MAP7D2: variants seen among roughly 807,000 people sequenced by gnomAD.
The protein encoded by MAP7D2 is MAP7 domain-containing protein 2.
Under a neutral mutation model 63.5 loss-of-function variants are expected in MAP7D2, and 33 were observed. The observed-to-expected ratio is 0.52, with a 90% confidence interval of 0.39 to 0.70. The LOEUF is 0.70. Ranked by LOEUF, MAP7D2 falls within the 30% of genes least tolerant of loss-of-function variation. The probability of loss-of-function intolerance (pLI) is 0.00; values close to 1 mark genes in which losing one functional copy is unlikely to be tolerated. For missense variants in MAP7D2, 626 were observed against 604.0 expected (o/e 1.04, Z -0.38); for synonymous variants, 224 against 223.7 (o/e 1.00, Z -0.01).
chrX:20,115,537 A>G (rs2066871105), intron 1 of MAP7D2, among the ~76,000 whole-genome samples: 1 of 111,793 alleles, frequency 8.9e-6, no homozygotes, highest in Non-Finnish European at 1.9e-5. Flanking sequence ...AAAAGCACAC[A>G]TTTCAAAGGT....
chrX:20,035,942 G>A (rs996510156), intron 8 of MAP7D2, among the ~76,000 whole-genome samples: 13 of 109,685 alleles, frequency 1.2e-4, no homozygotes, highest in Non-Finnish European at 2.5e-4. Flanking sequence ...GTGTGTGTGT[G>A]TGTGTGTGTG....
At chrX:20,051,371 G>A (rs772791149) in intron 5 of MAP7D2, among the ~76,000 whole-genome samples, 2 of 110,854 alleles carry the variant, frequency 1.8e-5, no homozygotes, top group Non-Finnish European at 3.8e-5. Context: ...GCAACGTGGC[G>A]AAACCTCGTC....
intron 8 of MAP7D2, among the ~76,000 whole-genome samples, chrX:20,040,952 A>C (rs1001028519): frequency 6.3e-5 from 7 of 111,763 alleles, no homozygotes; most frequent in Non-Finnish European, 9.4e-5. Flanking sequence ...ACAACAACAA[A>C]AAAAACCAGT....
intron 1 of MAP7D2, among the ~76,000 whole-genome samples, chrX:20,091,239 G>C (rs1414563519): frequency 9.3e-6 from 1 of 107,220 alleles, no homozygotes; most frequent in Non-Finnish European, 1.9e-5. Flanking sequence ...TTTTACTAGA[G>C]ATGGGGTTTC....
At chrX:20,052,444 T>G (rs1414017879) in intron 5 of MAP7D2, 9 of 271,904 alleles carry the variant, frequency 3.3e-5, no homozygotes, top group Non-Finnish European at 6.2e-5. Context: ...CACAGATGAC[T>G]GCAGAACCCC....
chrX:20,116,694 G>GC (rs1322992146), intron 1 of MAP7D2, 56 bp downstream of exon 1: 123 of 1,095,113 alleles, frequency 1.1e-4, no homozygotes, highest in African/African-American at 5.3e-4. Context: ...CGCCGGGCCC[G>GC]CCCCCCCACA....
chrX:20,038,628 G>C (rs1189823874), intron 8 of MAP7D2, among the ~76,000 whole-genome samples: 1 of 111,486 alleles, frequency 9.0e-6, no homozygotes, highest in Non-Finnish European at 1.9e-5. Flanking sequence ...ATCACCCCTA[G>C]TGACCCATTA....
intron 1 of MAP7D2, among the ~76,000 whole-genome samples, chrX:20,104,774 T>C (rs1256617860): frequency 8.9e-6 from 1 of 112,140 alleles, no homozygotes; most frequent in East Asian, 2.8e-4. Flanking sequence ...CTGAAGGCTG[T>C]CACAGTATTT....
intron 6 of MAP7D2, among the ~76,000 whole-genome samples, chrX:20,045,527 G>GAAAAAAAAAAAAAAAAAAAAAA (rs1170223479): frequency 1.1e-4 from 2 of 18,014 alleles, no homozygotes; most frequent in African/African-American, 2.5e-4. Context: ...ACCCCATCTC[G>GAAAAAAAAAAAAAAAAAAAAAA]AAAAAAAAAA....
intron 1 of MAP7D2, among the ~76,000 whole-genome samples, chrX:20,070,962 T>C (rs2065486983): frequency 8.9e-6 from 1 of 112,646 alleles, no homozygotes; most frequent in South Asian, 3.7e-4. Context: ...TGTGTTCAAC[T>C]TTGAAAAATT....
At chrX:20,026,055 C>T (rs1569516109) in intron 8 of MAP7D2, 103 bp from the exon 9 acceptor site, 1 of 939,059 alleles carries the variant, frequency 1.1e-6, no homozygotes, top group Admixed American at 2.8e-5. Context: ...TTTCATCCTT[C>T]CAGAGGAAGG....
rs759129065 is a variant in MAP7D2, at chrX:20,015,982, T to A, written c.1644+112A>T. On this transcript the variant is annotated intron_variant, in intron 11 of 16. Coordinates refer to ENST00000379643, the MANE Select transcript of MAP7D2 (RefSeq NM_001168465.2). ...TATATTTAATAACCAGCCCAGACAG[T>A]TTAAGAAGAAACTTCAAGTAAACAT... 7 of 693,897 alleles carry A rather than the reference T, an allele frequency of 1.0e-5. No homozygotes were observed. In the African/African-American group the frequency reaches 1.3e-4, roughly 13 times the overall value. 57.2% of individuals were successfully genotyped at this position (693,897 alleles called of 1,213,427 possible).
At chrX:20,038,421 T>C (rs765420822) in intron 8 of MAP7D2, among the ~76,000 whole-genome samples, 12 of 112,078 alleles carry the variant, frequency 1.1e-4, no homozygotes, top group South Asian at 3.7e-4. Flanking sequence ...GCTGGATTGA[T>C]AGAACAGTGG....
chrX:20,049,806 T>C (rs1369847889), intron 6 of MAP7D2: 6 of 318,632 alleles, frequency 1.9e-5, no homozygotes, highest in Non-Finnish European at 3.6e-5. Context: ...ACCAGCAGTG[T>C]GTGAGGGAAG....
chrX:20,052,833 A>G lies in MAP7D2; in HGVS notation c.595+45T>C, dbSNP rs764236595. On this transcript the variant is annotated intron_variant, in intron 5 of 16. Coordinates refer to ENST00000379643, the MANE Select transcript of MAP7D2 (RefSeq NM_001168465.2). ...AGACAAACGTTAAGATGCTCACACC[A>G]GAAAAGAAACAAACTAGAGAGACCA... The G allele has an allele frequency of 1.4e-5, 14 of 1,009,590 alleles. No individual in the cohort carries two copies. In the Admixed American group the frequency reaches 2.4e-4, roughly 17 times the overall value. 83.2% of individuals were successfully genotyped at this position (1,009,590 alleles called of 1,213,427 possible).
At chrX:20,112,501 G>T (rs2066772883) in intron 1 of MAP7D2, among the ~76,000 whole-genome samples, 1 of 111,604 alleles carries the variant, frequency 9.0e-6, no homozygotes, top group Non-Finnish European at 1.9e-5. Context: ...GGCAGACGAG[G>T]CGGGATCCCA....
chrX:20,023,938 G>A (rs1316893630), intron 10 of MAP7D2, among the ~76,000 whole-genome samples: 2 of 112,042 alleles, frequency 1.8e-5, no homozygotes, highest in Non-Finnish European at 3.8e-5. Flanking sequence ...AGGGACTGTC[G>A]AGACCTACCC....
At chrX:20,093,290 A>G (rs2066117577) in intron 1 of MAP7D2, among the ~76,000 whole-genome samples, 1 of 111,335 alleles carries the variant, frequency 9.0e-6, no homozygotes, top group Non-Finnish European at 1.9e-5. Flanking sequence ...GGAGGGAGGG[A>G]AGGGGAAAAG....
At chrX:20,018,440 CTTT>C (rs757792186) in intron 10 of MAP7D2, among the ~76,000 whole-genome samples, 5 of 77,410 alleles carry the variant, frequency 6.5e-5, no homozygotes, top group South Asian at 5.4e-4. Context: ...AAATCTTGTC[CTTT>C]TTTTTTTTTT....
Sources: allele counts gnomAD v4.1 joint callset (sites outside exome capture counted in the v4.1 genomes callset), GRCh38; gene constraint gnomAD v4.1.1; transcripts MANE v1.5; gene names NCBI Gene and HGNC (gene_info 2026-07-23, HGNC 2026-07-21).